SLC5A1: variants seen among roughly 807,000 people sequenced by gnomAD.
SLC5A1 encodes solute carrier family 5 member 1, also known as sodium/glucose cotransporter 1.
In SLC5A1, 42 loss-of-function variants were observed where a neutral mutation model predicts 73.5. The observed-to-expected ratio is 0.57, with a 90% CI of 0.45 to 0.74. SLC5A1 has a LOEUF of 0.74. Among genes scored for constraint, SLC5A1 ranks in the 30% least tolerant of loss-of-function variants. The pLI, the probability that SLC5A1 is intolerant of heterozygous loss-of-function variation, is 0.00. For synonymous variants in SLC5A1, 300 were observed against 317.4 expected (o/e 0.95, Z 0.58); for missense variants, 634 against 855.4 (o/e 0.74, Z 3.23).
intron 2 of SLC5A1, among the ~76,000 whole-genome samples, chr22:32,058,629 T>C (rs1225197662): frequency 6.6e-6 from 1 of 152,198 alleles, no homozygotes; most frequent in Non-Finnish European, 1.5e-5. Flanking sequence ...AGAAAAATGG[T>C]ATCAATTTAC....
intron 5 of SLC5A1, among the ~76,000 whole-genome samples, chr22:32,073,502 AT>A (rs2093985943): frequency 6.6e-6 from 1 of 151,982 alleles, no homozygotes; most frequent in Non-Finnish European, 1.5e-5. Context: ...TAATGTCATG[AT>A]TCAGCCTCCT....
At chr22:32,055,075 G>A (rs1477251977) in intron 2 of SLC5A1, among the ~76,000 whole-genome samples, 2 of 152,180 alleles carry the variant, frequency 1.3e-5, no homozygotes, top group Non-Finnish European at 2.9e-5. Context: ...TTGGTCTTCA[G>A]CCTCCTTAAC....
In SLC5A1 at chr22:32,110,202, T is replaced by C. The variant is rs1430184026; in HGVS notation, c.1984T>C (p.Tyr662His). The change falls in exon 15 of 15, where the codon TAT becomes CAT. Residue 662 changes from tyrosine to histidine, a missense_variant. This residue lies in a region of SLC5A1 where 161 missense variants were observed against 178.7 expected (regional missense o/e 0.90). Transcript: ENST00000266088. ...LVTVAVFCHA[Y>H]FA ...GACCGTGGCTGTCTTTTGCCATGCA[T>C]ATTTTGCCTGAGTCCTACCTTTTGC... is the stretch of plus-strand genomic sequence containing the variant. The C allele has an allele frequency of 1.2e-6, 2 of 1,612,892 alleles. No homozygotes were observed. Among genetic ancestry groups the C allele is most frequent in the Non-Finnish European group, 1.7e-6 (2 of 1,179,190 alleles).
At chr22:32,095,900 G>A (rs1258531372) in intron 11 of SLC5A1, among the ~76,000 whole-genome samples, 1 of 152,188 alleles carries the variant, frequency 6.6e-6, no homozygotes, top group East Asian at 1.9e-4. Flanking sequence ...CACGCTATTT[G>A]TTGAAATACT....
At chr22:32,085,546 C>CTTT (rs35772243) in intron 9 of SLC5A1, among the ~76,000 whole-genome samples, 11 of 119,116 alleles carry the variant, frequency 9.2e-5, no homozygotes, top group East Asian at 4.6e-4. Flanking sequence ...TTGTTTCCTC[C>CTTT]TTTTTTTTTT....
chr22:32,079,750 T>C (rs2093996645), intron 5 of SLC5A1, among the ~76,000 whole-genome samples: 1 of 152,146 alleles, frequency 6.6e-6, no homozygotes. Context: ...TGAATTTAAG[T>C]AACTTTATGT....
rs1217221604 is a variant in SLC5A1, at chr22:32,110,526, G to A, written c.*313G>A. The stretch of plus-strand genomic sequence containing the variant: ...GATGTCTGACGTGAGTCTGTCTCAG[G>A]TAGATTCCGGGTGTCAGTGTGGTTT... On this transcript the variant is annotated 3_prime_UTR_variant, in exon 15 of 15. Transcript: ENST00000266088. 2.3e-6 allele frequency: 1 copy of A among 433,908 alleles called. No individual in the cohort carries two copies. The highest frequency in any genetic ancestry group is 4.9e-5 in the East Asian group (1 of 20,534). The allele number at this position is 433,908 out of a possible 1,614,324, so 26.9% of individuals were successfully genotyped here.
chr22:32,083,542 T>C (rs942281424), intron 7 of SLC5A1, among the ~76,000 whole-genome samples: 2 of 152,230 alleles, frequency 1.3e-5, no homozygotes, highest in African/African-American at 4.8e-5. Flanking sequence ...CTATATCTTA[T>C]CTACATTTTG....
At chr22:32,098,499 T>C (rs1409224868) in intron 11 of SLC5A1, among the ~76,000 whole-genome samples, 1 of 152,176 alleles carries the variant, frequency 6.6e-6, no homozygotes, top group Non-Finnish European at 1.5e-5. Context: ...CACACAGAAA[T>C]AATAAGAATT....
chr22:32,081,228 G>A (rs1222164125), intron 5 of SLC5A1, among the ~76,000 whole-genome samples: 1 of 152,148 alleles, frequency 6.6e-6, no homozygotes, highest in Admixed American at 6.6e-5. Flanking sequence ...TCAGGAGTGA[G>A]GAGGGAGCAA....
Position 32,109,994 on chromosome 22 carries a change from A to G in SLC5A1, c.1776A>G (p.Thr592=). The G allele has an allele frequency of 6.2e-7, 1 of 1,613,786 alleles. No homozygotes were observed. Among genetic ancestry groups the G allele is most frequent in the Non-Finnish European group, 8.5e-7 (1 of 1,179,706 alleles). The change falls in exon 15 of 15, where the codon ACA becomes ACG. Residue 592 remains threonine (T), a synonymous_variant. Coordinates refer to ENST00000266088, the MANE Select transcript of SLC5A1 (RefSeq NM_000343.4). The stretch of plus-strand genomic sequence containing the variant: ...TTCTTCTATGCCTTTGCCCAGAAAC[A>G]CAAGTTCCTGAGAAGAAAAAAGGAA... ...EGPKETIEIE[T]QVPEKKKGIF...
intron 1 of SLC5A1, among the ~76,000 whole-genome samples, chr22:32,046,261 C>T (rs778602817): frequency 2.6e-5 from 4 of 152,204 alleles, no homozygotes; most frequent in Non-Finnish European, 5.9e-5. Context: ...CACTATTCTA[C>T]CTTTCCCACT....
At chr22:32,109,875 A>G in intron 14 of SLC5A1, 115 bp from the exon 15 acceptor site, 2 of 782,246 alleles carry the variant, frequency 2.6e-6, no homozygotes, top group Non-Finnish European at 4.3e-6. Flanking sequence ...GAAATTTCTC[A>G]TTTTTGGGAA....
At chr22:32,056,433 C>A (rs2093951950) in intron 2 of SLC5A1, among the ~76,000 whole-genome samples, 1 of 123,946 alleles carries the variant, frequency 8.1e-6, no homozygotes, top group African/African-American at 3.1e-5. Flanking sequence ...ACATACCTTC[C>A]TGTCTTTTTT....
chr22:32,107,913 T>C (rs2094049142), intron 14 of SLC5A1, among the ~76,000 whole-genome samples: 1 of 152,162 alleles, frequency 6.6e-6, no homozygotes, highest in Non-Finnish European at 1.5e-5. Context: ...AGTATCATCA[T>C]CCTCACCACC....
chr22:32,084,668 G>T lies in SLC5A1; in HGVS notation c.885+9G>T. 6.2e-7 allele frequency: 1 copy of T among 1,609,086 alleles called. No homozygotes were observed. Among genetic ancestry groups the T allele is most frequent in the Non-Finnish European group, 8.5e-7 (1 of 1,175,550 alleles). ...ACTGGTGCACAGATCAGGTACCCAA[G>T]CTGGATGTGCGGGATGGACAGAGTC... On this transcript the variant is annotated intron_variant, in intron 8 of 14. Transcript: ENST00000266088.
intron 5 of SLC5A1, among the ~76,000 whole-genome samples, chr22:32,073,268 CCA>C (rs912598340): frequency 6.6e-6 from 1 of 152,064 alleles, no homozygotes; most frequent in Non-Finnish European, 1.5e-5. Flanking sequence ...ATGTGGATAT[CCA>C]GTTCTCCCAG....
chr22:32,103,473 C>G (rs2094039927), intron 13 of SLC5A1, among the ~76,000 whole-genome samples: 3 of 152,198 alleles, frequency 2.0e-5, no homozygotes, highest in South Asian at 4.1e-4. Flanking sequence ...TGTCTTTAGT[C>G]AGAGTCCTCA....
At chr22:32,066,280 G>A (rs560262242) in intron 2 of SLC5A1, among the ~76,000 whole-genome samples, 3 of 152,216 alleles carry the variant, frequency 2.0e-5, no homozygotes, top group Non-Finnish European at 2.9e-5. Context: ...GCACGTGTCC[G>A]TGTGGTCCCT....
Sources: gnomAD v4.1 joint callset for allele counts (sites outside exome capture counted in the v4.1 genomes callset) on GRCh38, gnomAD v4.1.1 for gene constraint, gnomAD v4.1.1 regional missense constraint, MANE v1.5 for transcripts, NCBI Gene and HGNC (gene_info 2026-07-23, HGNC 2026-07-21) for gene names.